The following AP1S3 variants were observed in gnomAD, a reference collection of about 807,000 sequenced individuals.
AP1S3 encodes the protein AP-1 complex subunit sigma-3.
Under a neutral mutation model 20.9 loss-of-function variants are expected in AP1S3, and 10 were observed. The observed-to-expected ratio is 0.48, with a 90% CI of 0.29 to 0.81. The LOEUF is 0.81. Among genes scored for constraint, AP1S3 ranks in the 30% least tolerant of loss-of-function variants. AP1S3 has a pLI of 0.08. For synonymous variants in AP1S3, 41 were observed against 61.5 expected, an observed-to-expected ratio of 0.67 and a Z score of 1.56; for missense variants, 154 against 183.8, an observed-to-expected ratio of 0.84 and a Z score of 0.94.
intron 1 of AP1S3, among the ~76,000 whole-genome samples, chr2:223,781,176 T>C (rs892373081): frequency 5.3e-5 from 8 of 152,140 alleles, no homozygotes; most frequent in Non-Finnish European, 1.2e-4. Context: ...CCATGTTTTC[T>C]TTATCCATTC....
At chr2:223,765,862 A>G (rs1019880128) in intron 3 of AP1S3, among the ~76,000 whole-genome samples, 4 of 152,182 alleles carry the variant, frequency 2.6e-5, no homozygotes, top group African/African-American at 9.7e-5. Context: ...CTGGTGCTAC[A>G]GCCCACCCCC....
intron 1 of AP1S3, among the ~76,000 whole-genome samples, chr2:223,799,867 A>G (rs1691425777): frequency 6.6e-6 from 1 of 152,204 alleles, no homozygotes; most frequent in Non-Finnish European, 1.5e-5. Context: ...ACACACTACA[A>G]GCAAGTGGGA....
intron 1 of AP1S3, among the ~76,000 whole-genome samples, chr2:223,835,493 A>T (rs1464559136): frequency 6.6e-6 from 1 of 152,130 alleles, no homozygotes; most frequent in Non-Finnish European, 1.5e-5. Context: ...CGTCTCTACT[A>T]AAAATACAAA....
chr2:223,787,129 G>C (rs1284875943), intron 1 of AP1S3, among the ~76,000 whole-genome samples: 1 of 152,104 alleles, frequency 6.6e-6, no homozygotes, highest in Non-Finnish European at 1.5e-5. Flanking sequence ...CTGTGTGGCA[G>C]CTGCCCCCTC....
intron 1 of AP1S3, among the ~76,000 whole-genome samples, chr2:223,790,114 C>A (rs750689769): frequency 7.2e-5 from 11 of 152,154 alleles, no homozygotes; most frequent in Non-Finnish European, 1.6e-4. Flanking sequence ...GATCAGAAAC[C>A]AGAACCTGCA....
intron 1 of AP1S3, among the ~76,000 whole-genome samples, chr2:223,785,112 G>A (rs575868264): frequency 8.5e-5 from 13 of 152,122 alleles, no homozygotes; most frequent in Non-Finnish European, 1.6e-4. Flanking sequence ...AGGCCGAGGC[G>A]GGCAGATCAC....
rs1332792047 is a variant in AP1S3, at chr2:223,758,166, A to C, written c.*549T>G. The C allele has an allele frequency of 3.4e-5, 33 of 980,506 alleles. No homozygotes were observed. Among genetic ancestry groups the C allele is most frequent in the Non-Finnish European group, 4.0e-5 (33 of 825,172 alleles). 60.7% of individuals were successfully genotyped at this position (980,506 alleles called of 1,614,324 possible). ...TCTAAAAAAAATAAATGAATTCAGC[A>C]CATTAAAATCAGACATTTTGTATGT... is the stretch of plus-strand genomic sequence containing the variant. On this transcript the variant is annotated 3_prime_UTR_variant, in exon 5 of 5. Coordinates refer to ENST00000396654, the MANE Select transcript of AP1S3 (RefSeq NM_001039569.2).
At position 223,758,361 on chromosome 2, in the gene AP1S3, A is replaced by T; in HGVS notation, c.*354T>A. On this transcript the variant is annotated 3_prime_UTR_variant, in exon 5 of 5. Transcript: ENST00000396654. ...ACATTCAAAATCATGGATTATTACA[A>T]TATTGTGTCAAATGCAAAAAAAATT... 9.8e-7 allele frequency: 1 copy of T among 1,017,098 alleles called. No individual in the cohort carries two copies. Among genetic ancestry groups the T allele is most frequent in the Non-Finnish European group, 1.2e-6 (1 of 850,292 alleles). The allele number at this position is 1,017,098 out of a possible 1,614,324, so 63.0% of individuals were successfully genotyped here.
intron 1 of AP1S3, among the ~76,000 whole-genome samples, chr2:223,778,110 TG>T (rs1223075015): frequency 5.3e-5 from 8 of 150,818 alleles, no homozygotes; most frequent in African/African-American, 9.9e-5. Context: ...AGTTTTTTTT[TG>T]TTTTTTTTGT....
At chr2:223,828,058 TAA>T (rs527671959) in intron 1 of AP1S3, among the ~76,000 whole-genome samples, 243 of 93,806 alleles carry the variant, frequency 2.6e-3, no homozygotes, top group African/African-American at 5.3e-3. Flanking sequence ...AGACTTCATC[TAA>T]AAAAAAAAAA....
intron 1 of AP1S3, among the ~76,000 whole-genome samples, chr2:223,780,353 A>AGGGTGTGT (rs1559280869): frequency 1.7e-5 from 1 of 58,576 alleles, no homozygotes; most frequent in Admixed American, 2.5e-4. Flanking sequence ...AGAGAGAGAG[A>AGGGTGTGT]GAGAGTGTGT....
intron 3 of AP1S3, among the ~76,000 whole-genome samples, chr2:223,770,801 T>C (rs1234686148): frequency 6.8e-6 from 1 of 147,150 alleles, no homozygotes; most frequent in Non-Finnish European, 1.5e-5. Context: ...CATCTCAGCT[T>C]GCTGCAACCC....
intron 1 of AP1S3, among the ~76,000 whole-genome samples, chr2:223,781,744 G>A (rs933158997): frequency 1.3e-5 from 2 of 152,118 alleles, no homozygotes; most frequent in Non-Finnish European, 2.9e-5. Flanking sequence ...ATAGGGCTCA[G>A]CATTGCATCA....
intron 1 of AP1S3, among the ~76,000 whole-genome samples, chr2:223,792,096 G>A (rs1390808357): frequency 1.3e-5 from 2 of 152,156 alleles, no homozygotes; most frequent in Non-Finnish European, 2.9e-5. Flanking sequence ...CAGATTCAAT[G>A]CCATTCCCAT....
Position 223,776,018 on chromosome 2 carries a change from GAAAAATAAC to G in AP1S3, c.183-18_183-10del. The G allele has an allele frequency of 1.2e-6, 2 of 1,609,024 alleles. No homozygotes were observed. The highest frequency in any genetic ancestry group is 1.7e-6 in the Non-Finnish European group (2 of 1,176,228). ...AATATAAACTAGCATACCTTGAAATGAAAAATAACAAAAGCAAAATATGACAATACATTA... is the reference window on the plus strand; with the variant it reads ...AATATAAACTAGCATACCTTGAAATGAAAAGCAAAATATGACAATACATTA... On this transcript the variant is annotated splice_polypyrimidine_tract_variant and intron_variant, in intron 2 of 4. Transcript: ENST00000396654.
intron 1 of AP1S3, among the ~76,000 whole-genome samples, chr2:223,802,260 A>G (rs770897990): frequency 6.6e-6 from 1 of 151,926 alleles, no homozygotes; most frequent in Non-Finnish European, 1.5e-5. Flanking sequence ...TACAGTCACT[A>G]TCTGCTGGGC....
At chr2:223,791,135 C>G (rs1202583607) in intron 1 of AP1S3, among the ~76,000 whole-genome samples, 2 of 152,140 alleles carry the variant, frequency 1.3e-5, no homozygotes, top group East Asian at 1.9e-4. Flanking sequence ...TGAAAATATT[C>G]CAAAACATTG....
intron 1 of AP1S3, among the ~76,000 whole-genome samples, chr2:223,792,618 A>G (rs1691237405): frequency 6.6e-6 from 1 of 152,180 alleles, no homozygotes; most frequent in Non-Finnish European, 1.5e-5. Flanking sequence ...AACTATAGAA[A>G]CCATAGAAGA....
At chr2:223,811,660 C>T (rs1691733493) in intron 1 of AP1S3, among the ~76,000 whole-genome samples, 1 of 152,036 alleles carries the variant, frequency 6.6e-6, no homozygotes, top group African/African-American at 2.4e-5. Context: ...ACATTTCCAT[C>T]TAATACAACT....
Sources: allele counts gnomAD v4.1 joint callset (sites outside exome capture counted in the v4.1 genomes callset), GRCh38; gene constraint gnomAD v4.1.1; transcripts MANE v1.5; gene names NCBI Gene and HGNC (gene_info 2026-07-23, HGNC 2026-07-21).